The following TCF12 variants were observed in gnomAD, a reference collection of about 807,000 sequenced individuals.
TCF12 encodes the protein transcription factor 12, also known as DNA-binding protein HTF4.
TCF12 carries 45 observed loss-of-function variants against 86.0 expected under a neutral mutation model. The ratio of observed to expected loss-of-function variants is 0.52; its 90% CI spans 0.41 to 0.67. The LOEUF (loss-of-function observed/expected upper bound fraction) is 0.67, where lower values mean the gene tolerates loss of function less well. Among genes scored for constraint, TCF12 ranks in the 30% least tolerant of loss-of-function variants. The pLI, the probability that TCF12 is intolerant of heterozygous loss-of-function variation, is 0.00. For missense variants in TCF12, 881 were observed against 859.9 expected (o/e 1.02, Z -0.31); for synonymous variants, 330 against 299.6 (o/e 1.10, Z -1.05).
At chr15:57,218,088 T>C (rs1311503005) in intron 8 of TCF12, among the ~76,000 whole-genome samples, 1 of 152,190 alleles carries the variant, frequency 6.6e-6, no homozygotes, top group Non-Finnish European at 1.5e-5. Flanking sequence ...TTTAGTTTCG[T>C]TACTATAATT....
chr15:57,122,436 C>G (rs2051307499), intron 5 of TCF12, among the ~76,000 whole-genome samples: 1 of 152,136 alleles, frequency 6.6e-6, no homozygotes, highest in Admixed American at 6.5e-5. Context: ...GTAAGCCAGG[C>G]ATTGTAAGAA....
At chr15:56,960,757 T>G (rs2140559009) in intron 3 of TCF12, among the ~76,000 whole-genome samples, 1 of 152,158 alleles carries the variant, frequency 6.6e-6, no homozygotes, top group African/African-American at 2.4e-5. Context: ...TCCCAATTCT[T>G]TGATATATAA....
At chr15:57,101,656 A>C (rs1040413516) in intron 5 of TCF12, among the ~76,000 whole-genome samples, 5 of 152,146 alleles carry the variant, frequency 3.3e-5, no homozygotes, top group Admixed American at 2.6e-4. Context: ...TGAGTTTTTA[A>C]ATCTTTATCT....
chr15:57,146,827 A>G (rs1275016011), intron 5 of TCF12, among the ~76,000 whole-genome samples: 1 of 152,174 alleles, frequency 6.6e-6, no homozygotes, highest in Non-Finnish European at 1.5e-5. Flanking sequence ...GGAAGAGTGG[A>G]TGATAATTAG....
intron 3 of TCF12, among the ~76,000 whole-genome samples, chr15:56,978,808 A>G (rs1454687509): frequency 6.6e-6 from 1 of 152,230 alleles, no homozygotes; most frequent in Non-Finnish European, 1.5e-5. Flanking sequence ...AGCAGGCCCA[A>G]CTAAAAAGCC....
chr15:56,952,187 T>C (rs2061307043), intron 3 of TCF12, among the ~76,000 whole-genome samples: 1 of 42,556 alleles, frequency 2.3e-5, no homozygotes, highest in Non-Finnish European at 5.6e-5. Context: ...TTTTTGTGTA[T>C]ATACACACAC....
intron 13 of TCF12, chr15:57,248,028 C>T (rs529036564): frequency 5.5e-5 from 39 of 706,100 alleles, no homozygotes; most frequent in African/African-American, 3.8e-4. Context: ...AGTTGGGCAG[C>T]GGTTTTACCT....
At chr15:57,079,259 TGGATC>T (rs1180132955) in intron 4 of TCF12, among the ~76,000 whole-genome samples, 3 of 152,198 alleles carry the variant, frequency 2.0e-5, no homozygotes, top group Non-Finnish European at 4.4e-5. Context: ...TCTCTGGTAA[TGGATC>T]AGATAGTTAT....
intron 5 of TCF12, among the ~76,000 whole-genome samples, chr15:57,125,908 T>C (rs1459161844): frequency 1.3e-5 from 2 of 152,204 alleles, no homozygotes; most frequent in African/African-American, 4.8e-5. Flanking sequence ...ATCTTTAGGT[T>C]TATCATACTT....
rs146206679 is a variant in TCF12 at position 57,116,552 on chromosome 15, GC to G, written c.325+24664del. Among the ~76,000 whole-genome samples, 115 of 152,100 alleles carry G rather than the reference GC, an allele frequency of 7.6e-4. 1 individual carries two copies. Among genetic ancestry groups the G allele is most frequent in the Non-Finnish European group, 1.4e-3 (95 of 68,002 alleles). Reference sequence around the variant, plus strand: ...TGTAGAGACAGGGTTTTGCAGTGTTGCCCAGGCTGGTCTCAAAATCCTGGGC... The same window carrying G: ...TGTAGAGACAGGGTTTTGCAGTGTTGCCAGGCTGGTCTCAAAATCCTGGGC... On this transcript the variant is annotated intron_variant, in intron 5 of 20. Transcript: ENST00000333725.
At position 57,132,482 on chromosome 15, in the gene TCF12, A is replaced by T. The variant is rs374830792; in HGVS notation, c.326-33920A>T. On this transcript the variant is annotated intron_variant, in intron 5 of 20. Transcript: ENST00000333725. ...AACTTTCAGGGTTGTCAAAGGGTCA[A>T]TTCAGATTCAGCTACGTGTGTTACA... is the stretch of plus-strand genomic sequence containing the variant. 3.9e-5 allele frequency among the ~76,000 whole-genome samples: 6 copies of T among 152,314 alleles called. No homozygotes were observed. The East Asian group carries it at 1.2e-3, about 29-fold the overall frequency.
chr15:57,236,652 G>T (rs1358546750), intron 12 of TCF12, among the ~76,000 whole-genome samples: 2 of 152,084 alleles, frequency 1.3e-5, no homozygotes, highest in Non-Finnish European at 2.9e-5. Flanking sequence ...AGGTATTAAA[G>T]AGCACACAGA....
chr15:57,084,414 A>C (rs770404145), intron 4 of TCF12, among the ~76,000 whole-genome samples: 4 of 152,192 alleles, frequency 2.6e-5, no homozygotes, highest in Non-Finnish European at 5.9e-5. Context: ...TACAAAAAGA[A>C]ATAATAGGGC....
At chr15:57,223,396 A>G (rs2058693342) in intron 8 of TCF12, among the ~76,000 whole-genome samples, 1 of 152,058 alleles carries the variant, frequency 6.6e-6, no homozygotes, top group Admixed American at 6.5e-5. Flanking sequence ...TATATATACT[A>G]CATTGGAAAG....
At chr15:57,126,945 A>G (rs139710410) in intron 5 of TCF12, among the ~76,000 whole-genome samples, 59 of 150,448 alleles carry the variant, frequency 3.9e-4, no homozygotes, top group African/African-American at 1.4e-3. Context: ...ATAAATATAT[A>G]TTCTTTCTTA....
Position 57,148,744 on chromosome 15 carries a change from G to A in TCF12, c.326-17658G>A, listed in dbSNP as rs528952969. Among the ~76,000 whole-genome samples the A allele has an allele frequency of 4.6e-5, 7 of 151,804 alleles. No homozygotes were observed. The South Asian group carries it at 1.5e-3, about 32-fold the overall frequency. The stretch of plus-strand genomic sequence containing the variant: ...ATACAAAATTTAGCTGGGCATGGTG[G>A]TGTGCACCTGTGGTCCCAGCTACTC... On this transcript the variant is annotated intron_variant, in intron 5 of 20. Transcript: ENST00000333725.
intron 6 of TCF12, among the ~76,000 whole-genome samples, chr15:57,167,369 T>G (rs755771033): frequency 7.2e-5 from 11 of 152,168 alleles, no homozygotes; most frequent in Non-Finnish European, 1.3e-4. Flanking sequence ...GAGACCAACC[T>G]GGGCAACATA....
intron 4 of TCF12, among the ~76,000 whole-genome samples, chr15:57,082,688 C>T (rs1003429153): frequency 2.0e-5 from 3 of 152,120 alleles, no homozygotes; most frequent in African/African-American, 7.2e-5. Context: ...TTTCATGATG[C>T]AGCAAGAGAT....
chr15:56,984,396 C>G (rs2063075792), intron 3 of TCF12, among the ~76,000 whole-genome samples: 1 of 151,646 alleles, frequency 6.6e-6, no homozygotes, highest in African/African-American at 2.4e-5. Flanking sequence ...GGTTTGGTAC[C>G]TAACATGGTG....
Sources: gnomAD v4.1 joint callset for allele counts (sites outside exome capture counted in the v4.1 genomes callset) on GRCh38, gnomAD v4.1.1 for gene constraint, MANE v1.5 for transcripts, NCBI Gene and HGNC (gene_info 2026-07-23, HGNC 2026-07-21) for gene names.